MMP24: variants seen among roughly 807,000 people sequenced by gnomAD.
MMP24 encodes matrix metalloproteinase-24.
A neutral mutation model predicts 62.8 loss-of-function variants in MMP24; 25 were observed. The observed-to-expected ratio is 0.40, with a 90% CI of 0.29 to 0.56. MMP24 has a LOEUF of 0.56. Among genes scored for constraint, MMP24 ranks in the 20% least tolerant of loss-of-function variants. The pLI, the probability that MMP24 is intolerant of heterozygous loss-of-function variation, is 0.50. For missense variants in MMP24, 634 were observed against 853.6 expected (o/e 0.74, Z 3.21); for synonymous variants, 319 against 350.5 (o/e 0.91, Z 1.00).
intron 1 of MMP24, among the ~76,000 whole-genome samples, chr20:35,228,789 C>T (rs1419531661): frequency 6.6e-6 from 1 of 152,138 alleles, no homozygotes; most frequent in African/African-American, 2.4e-5. Flanking sequence ...GACACGAGAC[C>T]CCTAGAATAG....
chr20:35,274,723 G>C lies in MMP24; in HGVS notation c.*114G>C. 2.1e-6 allele frequency: 2 copies of C among 941,220 alleles called. No homozygotes were observed. The highest frequency in any genetic ancestry group is 3.5e-5 in the South Asian group (2 of 57,386). 58.3% of individuals were successfully genotyped at this position (941,220 alleles called of 1,614,324 possible). On this transcript the variant is annotated 3_prime_UTR_variant, in exon 9 of 9. Transcript: ENST00000246186. The surrounding 1 kb of genome is among the most constrained non-coding windows in gnomAD (Gnocchi z 5.1). ...CAGGGCCAGCAGGGCCCTAGGCTGG[G>C]GTCGTACAGCTGAAGTGGTGGGTGC...
chr20:35,260,795 T>C (rs930904939), intron 4 of MMP24, among the ~76,000 whole-genome samples: 1 of 152,164 alleles, frequency 6.6e-6, no homozygotes, highest in African/African-American at 2.4e-5. Flanking sequence ...GCGGTGTCAG[T>C]AGTGTGGGAG....
At chr20:35,270,527 A>G (rs2060663177) in intron 7 of MMP24, among the ~76,000 whole-genome samples, 1 of 152,262 alleles carries the variant, frequency 6.6e-6, no homozygotes, top group South Asian at 2.1e-4. Flanking sequence ...CTGCCAGGCC[A>G]GAATGTGGTC....
intron 2 of MMP24, among the ~76,000 whole-genome samples, 156 bp from the exon 3 acceptor site, chr20:35,251,749 A>G (rs537699625): frequency 1.3e-5 from 2 of 152,328 alleles, no homozygotes; most frequent in African/African-American, 4.8e-5. Flanking sequence ...TCAATCAATC[A>G]TGTTCTTGTT....
At position 35,254,585 on chromosome 20, in the gene MMP24, G is replaced by A; in HGVS notation, c.648G>A (p.Lys216=). The A allele has an allele frequency of 6.2e-7, 1 of 1,614,078 alleles. No homozygotes were observed. Among genetic ancestry groups the A allele is most frequent in the Non-Finnish European group, 8.5e-7 (1 of 1,179,932 alleles). ...VPYHEIKSDR[K]EADIMIFFAS... ...ACCATGAGATCAAAAGTGACCGGAA[G>A]GAGGCAGACATCATGATCTTTTTTG... Residue 216 remains lysine (K), a synonymous_variant, in exon 4 of 9, where the codon AAG becomes AAA. Transcript: ENST00000246186.
At chr20:35,272,252 A>T (rs904663023) in intron 8 of MMP24, 51 of 429,114 alleles carry the variant, frequency 1.2e-4, no homozygotes, top group Admixed American at 4.6e-4. Context: ...TTTAAATTCT[A>T]AGAGATAAGG....
At chr20:35,257,496 GTT>G (rs1199225017) in intron 4 of MMP24, among the ~76,000 whole-genome samples, 4 of 152,188 alleles carry the variant, frequency 2.6e-5, no homozygotes, top group Non-Finnish European at 5.9e-5. Flanking sequence ...TAGGGTTTTA[GTT>G]ATATTCCTGA....
chr20:35,266,175 T>TAA (rs35806814), intron 5 of MMP24, among the ~76,000 whole-genome samples: 1,486 of 43,008 alleles, frequency 0.035, 218 homozygotes, highest in East Asian at 0.088. Context: ...CCATCTCTGC[T>TAA]AAAAAAAAAA....
Position 35,267,545 on chromosome 20 carries a change from C to T in MMP24, c.1194+126C>T. 7 of 998,296 alleles carry T rather than the reference C, an allele frequency of 7.0e-6. 1 individual carries two copies. The highest frequency in any genetic ancestry group is 1.0e-5 in the Non-Finnish European group (7 of 685,792). The allele number at this position is 998,296 out of a possible 1,614,324, so 61.8% of individuals were successfully genotyped here. ...ACAATGGGGCCTGGACAGGAGCTAG[C>T]CCAGTGGCCAGGGCATGGGGTCTCT... is the stretch of plus-strand genomic sequence containing the variant. On this transcript the variant is annotated intron_variant, in intron 6 of 8. Transcript: ENST00000246186.
intron 1 of MMP24, among the ~76,000 whole-genome samples, chr20:35,230,232 C>T (rs1431193924): frequency 2.0e-5 from 3 of 152,188 alleles, no homozygotes; most frequent in Non-Finnish European, 4.4e-5. Context: ...TCAAGTGATC[C>T]ACCTTCCTCA....
In MMP24 at chr20:35,248,793, TA is replaced by T. The variant is rs1346938733; in HGVS notation, c.395+1808del. The stretch of plus-strand genomic sequence containing the variant: ...CCCGTGGTCTCCAGAGTGGGCTGGT[TA>T]AAGAGAGCCCAGCCGCCTTTCAAAG... On this transcript the variant is annotated intron_variant, in intron 2 of 8. Coordinates refer to ENST00000246186, the MANE Select transcript of MMP24 (RefSeq NM_006690.4). Among the ~76,000 whole-genome samples the T allele has an allele frequency of 3.3e-5, 5 of 152,142 alleles. No homozygotes were observed. The East Asian group carries it at 9.6e-4, about 29-fold the overall frequency.
At chr20:35,248,254 AT>A (rs944617027) in intron 2 of MMP24, among the ~76,000 whole-genome samples, 29 of 150,918 alleles carry the variant, frequency 1.9e-4, no homozygotes, top group African/African-American at 6.8e-4. Context: ...CAGTGTGTTC[AT>A]TTGCAAAGGA....
intron 1 of MMP24, among the ~76,000 whole-genome samples, chr20:35,243,575 C>T (rs764842850): frequency 6.6e-6 from 1 of 151,070 alleles, no homozygotes; most frequent in Non-Finnish European, 1.5e-5. Context: ...TAAGCTACAG[C>T]CCCTTCCCTC....
At position 35,226,893 on chromosome 20, in the gene MMP24, C is replaced by T. The variant is rs1253850322; in HGVS notation, c.155C>T (p.Ala52Val). The T allele has an allele frequency of 4.1e-6, 4 of 965,816 alleles. No individual in the cohort carries two copies. The African/African-American group carries it at 5.4e-5, about 13-fold the overall frequency. The allele number at this position is 965,816 out of a possible 1,614,324, so 59.8% of individuals were successfully genotyped here. A position where few individuals can be genotyped will look rare whatever the true frequency, so the allele number is the denominator to read the frequency against. Residue 52 changes from alanine to valine, a missense_variant, in exon 1 of 9, where the codon GCG becomes GTG. This residue lies in a region of MMP24 where 212 missense variants were observed against 259.6 expected (regional missense o/e 0.82). Transcript: ENST00000246186. ...TGCTGCCTCCCGGGCGCCGCGCGGG[C>T]GGCGGCGGCGGCGGCGGGGGCAGGG... ...ALCCLPGAAR[A>V]AAAAAGAGNR...
chr20:35,276,063 G>A lies in MMP24; in HGVS notation c.*1454G>A, dbSNP rs139565116. 8.7e-3 allele frequency: 3,481 copies of A among 398,704 alleles called. 48 individuals are homozygous for A. The highest frequency in any genetic ancestry group is 0.038 in the African/African-American group (1,876 of 48,740). 24.7% of individuals were successfully genotyped at this position (398,704 alleles called of 1,614,324 possible). ...AAAAAGGTGTCAGGCAGTCTCCAGC[G>A]TGCTGGCCGGGTCTCGGATGCCACC... is the stretch of plus-strand genomic sequence containing the variant. On this transcript the variant is annotated 3_prime_UTR_variant, in exon 9 of 9. Transcript: ENST00000246186.
At chr20:35,243,023 C>A (rs1031937681) in intron 1 of MMP24, among the ~76,000 whole-genome samples, 1 of 151,916 alleles carries the variant, frequency 6.6e-6, no homozygotes, top group African/African-American at 2.4e-5. Flanking sequence ...ACTAAAAATA[C>A]AAAAATTAGC....
At chr20:35,263,265 C>T (rs553093836) in intron 4 of MMP24, 1 of 151,428 alleles carries the variant, frequency 6.6e-6, no homozygotes, top group East Asian at 2.0e-4. Context: ...GCATTAAGCG[C>T]CCTGCTTTCC....
chr20:35,235,378 T>TGCACTGCACTGCA (rs1172366840), intron 1 of MMP24, among the ~76,000 whole-genome samples: 2 of 152,110 alleles, frequency 1.3e-5, no homozygotes, highest in Non-Finnish European at 2.9e-5. Flanking sequence ...CACTGCAGCC[T>TGCACTGCACTGCA]GGGCCATAGA....
Position 35,271,942 on chromosome 20 carries a change from C to A in MMP24, c.1600+107C>A, listed in dbSNP as rs1262092001. On this transcript the variant is annotated intron_variant, in intron 8 of 8. Transcript: ENST00000246186. The surrounding 1 kb of genome is among the most constrained non-coding windows in gnomAD (Gnocchi z 4.0). ...CCATGGGCGTCCAGGTTTGAAAAAA[C>A]ACCTGGTGGCAGACAACTGCCTCAT... 1.6e-6 allele frequency: 2 copies of A among 1,255,526 alleles called. No homozygotes were observed. The highest frequency in any genetic ancestry group is 2.5e-5 in the East Asian group (1 of 39,684). 77.8% of individuals were successfully genotyped at this position (1,255,526 alleles called of 1,614,324 possible).
Sources: allele counts gnomAD v4.1 joint callset (sites outside exome capture counted in the v4.1 genomes callset), GRCh38; gene constraint gnomAD v4.1.1; regional missense constraint gnomAD v4.1.1; non-coding constraint Gnocchi (gnomAD v3.1); transcripts MANE v1.5; gene names NCBI Gene and HGNC (gene_info 2026-07-23, HGNC 2026-07-21).